Variants in ENTPD5 observed in about 807,000 individuals in gnomAD.
ENTPD5 encodes nucleoside diphosphate phosphatase ENTPD5.
Under a neutral mutation model 60.2 loss-of-function variants are expected in ENTPD5, and 49 were observed. The ratio of observed to expected loss-of-function variants is 0.81; its 90% confidence interval spans 0.65 to 1.03. The LOEUF (loss-of-function observed/expected upper bound fraction) is 1.03, where lower values mean the gene tolerates loss of function less well. Ranked by LOEUF, ENTPD5 falls within the 50% of genes least tolerant of loss-of-function variation. The probability of loss-of-function intolerance (pLI) is 0.00; values close to 1 mark genes in which losing one functional copy is unlikely to be tolerated. For missense variants in ENTPD5, 480 were observed against 507.6 expected (o/e 0.95, Z 0.52); for synonymous variants, 187 against 185.4 (o/e 1.01, Z -0.07).
intron 5 of ENTPD5, among the ~76,000 whole-genome samples, chr14:73,985,586 GTTGT>G (rs1453207581): frequency 2.0e-5 from 3 of 152,118 alleles, no homozygotes; most frequent in Non-Finnish European, 4.4e-5. Context: ...TTTTGATGGG[GTTGT>G]TTGATTTTTT....
At chr14:74,000,146 T>C (rs1172896328) in intron 3 of ENTPD5, among the ~76,000 whole-genome samples, 1 of 149,692 alleles carries the variant, frequency 6.7e-6, no homozygotes, top group Non-Finnish European at 1.5e-5. Context: ...CCTAGAGGAT[T>C]TGGAAACGCA....
In ENTPD5 at chr14:73,966,844, C is replaced by T. The variant is rs1594832247; in HGVS notation, c.*84G>A. The T allele has an allele frequency of 9.7e-7, 1 of 1,036,218 alleles. No homozygotes were observed. The highest frequency in any genetic ancestry group is 1.5e-6 in the Non-Finnish European group (1 of 664,666). 64.2% of individuals were successfully genotyped at this position (1,036,218 alleles called of 1,614,324 possible). ...TCTCTAGGCTCAAGTCCAGGATGTCCCCAGACTAGTTCAGAAACTAAGTGC... is the reference window on the plus strand; with the variant it reads ...TCTCTAGGCTCAAGTCCAGGATGTCTCCAGACTAGTTCAGAAACTAAGTGC... On this transcript the variant is annotated 3_prime_UTR_variant, in exon 16 of 16. Transcript: ENST00000334696.
At chr14:73,991,608 CAAAA>C (rs67647627) in intron 3 of ENTPD5, among the ~76,000 whole-genome samples, 1 of 68,548 alleles carries the variant, frequency 1.5e-5, no homozygotes, top group Non-Finnish European at 3.0e-5. Flanking sequence ...AAACAATAAC[CAAAA>C]AAAAAAAAAA....
At chr14:73,989,993 C>G (rs2058069554) in intron 3 of ENTPD5, among the ~76,000 whole-genome samples, 1 of 151,816 alleles carries the variant, frequency 6.6e-6, no homozygotes, top group South Asian at 2.1e-4. Flanking sequence ...GGCAACAGAG[C>G]AAGACTTCGT....
At chr14:73,983,694 A>T (rs199593610) in intron 5 of ENTPD5, among the ~76,000 whole-genome samples, 48,247 of 119,922 alleles carry the variant, frequency 0.4, 8,859 homozygotes, top group Non-Finnish European at 0.47. Flanking sequence ...TATTATTATT[A>T]TTTTTTTTGG....
intron 3 of ENTPD5, among the ~76,000 whole-genome samples, chr14:74,003,032 T>G (rs1318799959): frequency 6.6e-6 from 1 of 152,202 alleles, no homozygotes; most frequent in East Asian, 1.9e-4. Context: ...CTTGATGAAT[T>G]CCTGCAACTC....
chr14:73,959,265 G>A, downstream of ENTPD5: 1 of 1,614,240 alleles, frequency 6.2e-7, no homozygotes, highest in Non-Finnish European at 8.5e-7. Flanking sequence ...ATGCATGCAA[G>A]CCTTTCCTCT....
intron 3 of ENTPD5, chr14:74,009,017 T>TAA (rs2058763802): frequency 6.6e-6 from 1 of 152,266 alleles, no homozygotes; most frequent in East Asian, 1.9e-4. Flanking sequence ...GCCCATTCTG[T>TAA]ACAATGAACT....
chr14:73,972,050 AT>A, intron 13 of ENTPD5, 142 bp from the exon 14 acceptor site: 1 of 644,084 alleles, frequency 1.6e-6, no homozygotes, highest in Non-Finnish European at 2.7e-6. Flanking sequence ...ATTCCATGTT[AT>A]GTATATTTAA....
At chr14:74,006,875 C>A (rs75754154) in intron 3 of ENTPD5, among the ~76,000 whole-genome samples, 11,656 of 152,022 alleles carry the variant, frequency 0.077, 589 homozygotes, top group South Asian at 0.26. Context: ...CTGAGCTACC[C>A]CACCTATTAT....
chr14:74,000,020 G>A (rs372074863), intron 3 of ENTPD5, among the ~76,000 whole-genome samples: 3 of 151,280 alleles, frequency 2.0e-5, no homozygotes, highest in Non-Finnish European at 2.9e-5. Flanking sequence ...CCCAGGGGGC[G>A]GAGGTTGCAG....
At chr14:73,985,235 A>G (rs143998887) in intron 5 of ENTPD5, among the ~76,000 whole-genome samples, 9,480 of 152,278 alleles carry the variant, frequency 0.062, 476 homozygotes, top group South Asian at 0.27. Context: ...AGCATGATTT[A>G]TAATCCTTTG....
At chr14:73,995,794 T>A (rs1419635184) in intron 3 of ENTPD5, among the ~76,000 whole-genome samples, 1 of 152,114 alleles carries the variant, frequency 6.6e-6, no homozygotes, top group African/African-American at 2.4e-5. Flanking sequence ...TAGGGAGGTA[T>A]GTATACGTCA....
downstream of ENTPD5, chr14:73,955,456 G>A: frequency 6.2e-7 from 1 of 1,613,966 alleles, no homozygotes; most frequent in Non-Finnish European, 8.5e-7. Flanking sequence ...TGTAGGTTTT[G>A]GTGCCTGGGA....
At chr14:73,987,226 T>C (rs1025936695) in intron 4 of ENTPD5, 2 of 686,498 alleles carry the variant, frequency 2.9e-6, no homozygotes, top group Non-Finnish European at 5.3e-6. Context: ...GCAGTGAAAT[T>C]CTCATGTGAT....
chr14:73,966,484 C>A lies in ENTPD5; in HGVS notation c.*444G>T. ...CAAAACCAGGTTTTTTTTTTTCTCT[C>A]TTTTTCAGGGGAGGTGGGTGCAGAT... is the stretch of plus-strand genomic sequence containing the variant. On this transcript the variant is annotated 3_prime_UTR_variant, in exon 16 of 16. Transcript: ENST00000334696. 6.6e-6 allele frequency: 1 copy of A among 151,074 alleles called. No homozygotes were observed. Among genetic ancestry groups the A allele is most frequent in the Non-Finnish European group, 1.5e-5 (1 of 67,860 alleles). 9.4% of individuals were successfully genotyped at this position (151,074 alleles called of 1,614,324 possible).
At chr14:73,961,410 C>G, downstream of ENTPD5, 1 of 1,614,172 alleles carries the variant, frequency 6.2e-7, no homozygotes, top group South Asian at 1.1e-5. Flanking sequence ...ACTCCCTTCT[C>G]ACTTTGCTGC....
chr14:73,961,871 T>C, downstream of ENTPD5: 3 of 1,614,202 alleles, frequency 1.9e-6, no homozygotes, highest in Non-Finnish European at 2.5e-6. Flanking sequence ...GACGTGGGGC[T>C]TGCAGGCCAC....
downstream of ENTPD5, chr14:73,959,475 G>T: frequency 6.2e-7 from 1 of 1,614,210 alleles, no homozygotes; most frequent in Non-Finnish European, 8.5e-7. Flanking sequence ...AGCAGAGCTA[G>T]TTAGCATGGA....
Sources: gnomAD v4.1 joint callset for allele counts (sites outside exome capture counted in the v4.1 genomes callset) on GRCh38, gnomAD v4.1.1 for gene constraint, MANE v1.5 for transcripts, NCBI Gene and HGNC (gene_info 2026-07-23, HGNC 2026-07-21) for gene names.